TMEM132B: variants seen among roughly 807,000 people sequenced by gnomAD.
The protein encoded by TMEM132B is transmembrane protein 132B.
In TMEM132B, 18 loss-of-function variants were observed where a neutral mutation model predicts 90.8. The ratio of observed to expected loss-of-function variants is 0.20; its 90% CI spans 0.14 to 0.29. The LOEUF is 0.29. TMEM132B is among the 10% of genes least tolerant of loss of function. TMEM132B has a pLI of 1.00. For synonymous variants in TMEM132B, 504 were observed against 523.3 expected (o/e 0.96, Z 0.50); for missense variants, 1,096 against 1,326.8 (o/e 0.83, Z 2.70).
chr12:125,464,380 T>C (rs1881511848), intron 3 of TMEM132B, among the ~76,000 whole-genome samples: 1 of 152,168 alleles, frequency 6.6e-6, no homozygotes, highest in South Asian at 2.1e-4. Flanking sequence ...GAAGTAGCCA[T>C]GGCTTCCTCT....
At chr12:125,557,879 A>G (rs1033581609) in intron 4 of TMEM132B, among the ~76,000 whole-genome samples, 1 of 152,136 alleles carries the variant, frequency 6.6e-6, no homozygotes, top group African/African-American at 2.4e-5. Context: ...GCTGAGGGGC[A>G]CCTGGCTTAA....
At chr12:125,195,850 G>A (rs1045401253) in intron 1 of TMEM132B, among the ~76,000 whole-genome samples, 6 of 152,138 alleles carry the variant, frequency 3.9e-5, no homozygotes, top group African/African-American at 1.4e-4. Flanking sequence ...AATGTGCTTG[G>A]CAGGGTCGAG....
At chr12:125,636,385 G>T (rs1886479591) in intron 5 of TMEM132B, among the ~76,000 whole-genome samples, 1 of 152,118 alleles carries the variant, frequency 6.6e-6, no homozygotes, top group South Asian at 2.1e-4. Flanking sequence ...TATTTCCAAT[G>T]TGCTCAAGAG....
intron 2 of TMEM132B, among the ~76,000 whole-genome samples, chr12:125,404,171 G>A (rs1288147090): frequency 1.3e-5 from 2 of 152,268 alleles, no homozygotes; most frequent in South Asian, 4.1e-4. Context: ...TCATGGACAT[G>A]CACCAGAACT....
Position 125,415,590 on chromosome 12 carries a change from G to A in TMEM132B, c.1019G>A (p.Trp340Ter). ...TAVRVSSEDQ[W>*]AVQEEIDNGS... ...GTGAGAGTCAGCAGTGAGGACCAATGGGCAGTCCAGGAGGAAATTGATAAT... is the reference window on the plus strand; with the variant it reads ...GTGAGAGTCAGCAGTGAGGACCAATAGGCAGTCCAGGAGGAAATTGATAAT... The change falls in exon 3 of 9, where the codon TGG becomes TAG. Residue 340 changes from tryptophan (W) to a stop codon, truncating the protein, a stop_gained. Coordinates refer to ENST00000682704, the MANE Select transcript of TMEM132B (RefSeq NM_001366854.1). LOFTEE classifies it high-confidence loss of function. The surrounding 1 kb of genome is among the most constrained non-coding windows in gnomAD (Gnocchi z 5.3). 6.2e-7 allele frequency: 1 copy of A among 1,614,230 alleles called. No homozygotes were observed. The highest frequency in any genetic ancestry group is 8.5e-7 in the Non-Finnish European group (1 of 1,180,038).
rs184656890 is a variant in TMEM132B at position 125,654,887 on chromosome 12, T to C, written c.*177T>C. 165 of 723,046 alleles carry C rather than the reference T, an allele frequency of 2.3e-4. 1 individual carries two copies. In the African/African-American group the frequency reaches 2.7e-3, roughly 12 times the overall value. The allele number at this position is 723,046 out of a possible 1,614,324, so 44.8% of individuals were successfully genotyped here. A position where few individuals can be genotyped will look rare whatever the true frequency, so the allele number is the denominator to read the frequency against. On this transcript the variant is annotated 3_prime_UTR_variant, in exon 9 of 9. Transcript: ENST00000682704. This position sits in a 1 kb window ranked among gnomAD's most constrained non-coding sequence, Gnocchi z 5.8. ...GAGCTATAGAAGCTGGGTTTTAAGT[T>C]TGGAAATGCCTCTAAAACAGCCACA...
intron 4 of TMEM132B, among the ~76,000 whole-genome samples, chr12:125,550,953 C>T (rs758343749): frequency 2.0e-5 from 3 of 152,172 alleles, no homozygotes; most frequent in Non-Finnish European, 4.4e-5. Context: ...GCTGGGATTA[C>T]AGTTATGTGC....
chr12:125,217,619 A>G (rs1873466620), intron 1 of TMEM132B, among the ~76,000 whole-genome samples: 2 of 151,974 alleles, frequency 1.3e-5, no homozygotes, highest in Non-Finnish European at 2.9e-5. Context: ...GCTAATTAAA[A>G]CAATGTTTTT....
intron 4 of TMEM132B, among the ~76,000 whole-genome samples, chr12:125,548,824 A>G (rs932845814): frequency 6.6e-6 from 1 of 152,172 alleles, no homozygotes; most frequent in African/African-American, 2.4e-5. Flanking sequence ...ATTGGAGGTT[A>G]TTGCAAAGGT....
chr12:125,325,635 G>A (rs190737726), intron 1 of TMEM132B, among the ~76,000 whole-genome samples: 73 of 151,316 alleles, frequency 4.8e-4, no homozygotes, highest in African/African-American at 1.6e-3. Context: ...TTAAGAAGGT[G>A]TTCACCTCTT....
intron 3 of TMEM132B, among the ~76,000 whole-genome samples, chr12:125,441,826 G>C (rs975775303): frequency 6.6e-6 from 1 of 152,218 alleles, no homozygotes; most frequent in African/African-American, 2.4e-5. Context: ...TTTGTTGCAG[G>C]CTTATGGTGG....
intron 3 of TMEM132B, among the ~76,000 whole-genome samples, chr12:125,493,283 C>CT (rs1882404476): frequency 1.3e-5 from 2 of 152,294 alleles, no homozygotes; most frequent in South Asian, 4.1e-4. Flanking sequence ...ATGTGCAAAA[C>CT]CTGCATTGGA....
intron 3 of TMEM132B, among the ~76,000 whole-genome samples, chr12:125,494,441 C>T (rs1240933870): frequency 1.6e-4 from 21 of 131,906 alleles, no homozygotes; most frequent in South Asian, 2.8e-4. Context: ...ATGGCCGTGT[C>T]CCTCCTCCCC....
At chr12:125,563,598 C>CAAACAAACAAA (rs774597550) in intron 4 of TMEM132B, among the ~76,000 whole-genome samples, 11 of 150,172 alleles carry the variant, frequency 7.3e-5, no homozygotes, top group African/African-American at 1.2e-4. Context: ...AACAAACAAA[C>CAAACAAACAAA]AAAAAAAAAC....
intron 5 of TMEM132B, among the ~76,000 whole-genome samples, chr12:125,621,983 A>C (rs1056166551): frequency 5.9e-5 from 9 of 152,196 alleles, no homozygotes; most frequent in Non-Finnish European, 1.2e-4. Context: ...TAGATTTCCC[A>C]TTTCTCTTGA....
intron 3 of TMEM132B, among the ~76,000 whole-genome samples, chr12:125,483,588 TAGA>T (rs1258306916): frequency 9.9e-5 from 15 of 152,210 alleles, no homozygotes; most frequent in African/African-American, 3.4e-4. Flanking sequence ...TGTCTTCAAC[TAGA>T]CAGGGACTAT....
rs917851226 is a variant in TMEM132B at position 125,204,031 on chromosome 12, C to T, written c.67+17165C>T. ...CAGCCTACCTAGGGCTGAGATGGAG[C>T]GGTTAGGTCAGTGGACTTGCTGGAT... On this transcript the variant is annotated intron_variant, in intron 1 of 8. Coordinates refer to ENST00000682704, the MANE Select transcript of TMEM132B (RefSeq NM_001366854.1). Among the ~76,000 whole-genome samples the T allele has an allele frequency of 3.3e-5, 5 of 152,340 alleles. No homozygotes were observed. The South Asian group carries it at 6.2e-4, about 19-fold the overall frequency.
intron 1 of TMEM132B, among the ~76,000 whole-genome samples, chr12:125,261,482 A>ATTCTGCACAC (rs1874566699): frequency 6.6e-6 from 1 of 152,174 alleles, no homozygotes; most frequent in African/African-American, 2.4e-5. Flanking sequence ...AGAGAGAGGA[A>ATTCTGCACAC]TTCTGCACAC....
At chr12:125,375,084 G>A (rs1878434018) in intron 2 of TMEM132B, among the ~76,000 whole-genome samples, 1 of 152,186 alleles carries the variant, frequency 6.6e-6, no homozygotes, top group South Asian at 2.1e-4. Flanking sequence ...TATGGAAATT[G>A]TGTCAGAAAT....
Sources: gnomAD v4.1 joint callset for allele counts (sites outside exome capture counted in the v4.1 genomes callset) on GRCh38, gnomAD v4.1.1 for gene constraint, Gnocchi (gnomAD v3.1) non-coding constraint, MANE v1.5 for transcripts, NCBI Gene and HGNC (gene_info 2026-07-23, HGNC 2026-07-21) for gene names.